Variants in RALYL observed in about 807,000 individuals in gnomAD.
RALYL encodes RALY RNA binding protein like, also known as RNA-binding Raly-like protein.
In RALYL, 29 loss-of-function variants were observed where a neutral mutation model predicts 35.1. That is an observed-to-expected ratio of 0.83 (90% CI 0.61 to 1.13). The LOEUF (loss-of-function observed/expected upper bound fraction) is 1.13, where lower values mean the gene tolerates loss of function less well. Ranked by LOEUF, RALYL falls within the 50% of genes most tolerant of loss-of-function variation. The pLI is 0.00. For synonymous variants in RALYL, 120 were observed against 127.6 expected (o/e 0.94, Z 0.40); for missense variants, 359 against 360.4 (o/e 1.00, Z 0.03).
At chr8:84,671,301 T>A (rs1423981865) in intron 2 of RALYL, among the ~76,000 whole-genome samples, 6 of 152,210 alleles carry the variant, frequency 3.9e-5, no homozygotes, top group Non-Finnish European at 2.9e-5. Context: ...ATTGAGTGTC[T>A]GTGTCTTTTC....
chr8:84,517,878 T>A (rs539399372), intron 1 of RALYL, among the ~76,000 whole-genome samples: 39 of 152,276 alleles, frequency 2.6e-4, no homozygotes, highest in African/African-American at 8.7e-4. Context: ...ATCATATTCA[T>A]AGTTTCTATC....
At chr8:84,705,122 G>A (rs934854751) in intron 2 of RALYL, among the ~76,000 whole-genome samples, 2 of 152,136 alleles carry the variant, frequency 1.3e-5, no homozygotes, top group Non-Finnish European at 2.9e-5. Flanking sequence ...TTTGGGAGAG[G>A]CAGTGTTCCT....
At chr8:84,453,901 G>A (rs1272817402) in intron 1 of RALYL, among the ~76,000 whole-genome samples, 2 of 151,864 alleles carry the variant, frequency 1.3e-5, no homozygotes, top group Non-Finnish European at 2.9e-5. Context: ...GCAAAATTGG[G>A]TACTATTATT....
intron 1 of RALYL, among the ~76,000 whole-genome samples, chr8:84,507,891 T>C (rs1215256088): frequency 6.6e-6 from 1 of 152,176 alleles, no homozygotes; most frequent in African/African-American, 2.4e-5. Context: ...CCTAAATACA[T>C]TGCTAATCCT....
chr8:84,471,426 TAA>T (rs60961835), intron 1 of RALYL, among the ~76,000 whole-genome samples: 8 of 124,576 alleles, frequency 6.4e-5, no homozygotes, highest in Admixed American at 8.1e-5. Context: ...GTACACAAAT[TAA>T]AAAAAAAAAA....
chr8:84,311,627 A>G (rs1299022831), intron 1 of RALYL, among the ~76,000 whole-genome samples: 1 of 152,178 alleles, frequency 6.6e-6, no homozygotes, highest in Non-Finnish European at 1.5e-5. Context: ...TCTGGAATTC[A>G]TAGGATCCCA....
intron 1 of RALYL, among the ~76,000 whole-genome samples, chr8:84,361,487 G>A (rs1193703398): frequency 1.3e-5 from 2 of 152,126 alleles, no homozygotes; most frequent in Non-Finnish European, 2.9e-5. Context: ...TGTGGAGGAT[G>A]GGGTGGCTAC....
At chr8:84,860,139 A>G (rs1563760306) in intron 5 of RALYL, among the ~76,000 whole-genome samples, 2 of 152,218 alleles carry the variant, frequency 1.3e-5, no homozygotes, top group Admixed American at 6.5e-5. Flanking sequence ...TTCCTATAAA[A>G]GTAGTATTAA....
At chr8:84,306,958 G>T (rs1266335144) in intron 1 of RALYL, among the ~76,000 whole-genome samples, 1 of 152,070 alleles carries the variant, frequency 6.6e-6, no homozygotes, top group Non-Finnish European at 1.5e-5. Context: ...ACCAGCAAAA[G>T]CTCTCAAATT....
At chr8:84,399,160 T>C (rs1228387705) in intron 1 of RALYL, among the ~76,000 whole-genome samples, 1 of 152,150 alleles carries the variant, frequency 6.6e-6, no homozygotes, top group Admixed American at 6.5e-5. Flanking sequence ...TCTAACACAA[T>C]ATCACAAGCA....
At chr8:84,698,437 A>T (rs1033515044) in intron 2 of RALYL, among the ~76,000 whole-genome samples, 1 of 152,144 alleles carries the variant, frequency 6.6e-6, no homozygotes, top group Non-Finnish European at 1.5e-5. Context: ...TGATAATAAC[A>T]TATATTCTTT....
At chr8:84,743,856 A>T (rs1332326988) in intron 2 of RALYL, among the ~76,000 whole-genome samples, 1 of 152,096 alleles carries the variant, frequency 6.6e-6, no homozygotes, top group African/African-American at 2.4e-5. Context: ...TACACATTTT[A>T]TGATTTCACT....
At chr8:84,272,187 G>A (rs1167154002) in intron 1 of RALYL, among the ~76,000 whole-genome samples, 2 of 152,060 alleles carry the variant, frequency 1.3e-5, no homozygotes, top group Middle Eastern at 3.2e-3. Flanking sequence ...CCACCTCCCA[G>A]GTTCAAGCGA....
At chr8:84,801,302 ATAATCT>A (rs1445068676) in intron 3 of RALYL, among the ~76,000 whole-genome samples, 3 of 152,164 alleles carry the variant, frequency 2.0e-5, no homozygotes, top group Non-Finnish European at 4.4e-5. Context: ...CCAATGACCA[ATAATCT>A]TTTTTTCTTT....
intron 1 of RALYL, among the ~76,000 whole-genome samples, chr8:84,281,401 A>AT (rs1026649486): frequency 1.3e-5 from 2 of 151,950 alleles, no homozygotes; most frequent in Admixed American, 1.3e-4. Flanking sequence ...CTTTGTTCGA[A>AT]TTTTTTTTCT....
At chr8:84,711,742 G>A (rs960024324) in intron 2 of RALYL, among the ~76,000 whole-genome samples, 4 of 152,074 alleles carry the variant, frequency 2.6e-5, no homozygotes, top group Non-Finnish European at 1.5e-5. Flanking sequence ...ACTTGTCTTA[G>A]CAGTCACATA....
chr8:84,648,961 A>T (rs1828095296), intron 2 of RALYL, among the ~76,000 whole-genome samples: 1 of 152,086 alleles, frequency 6.6e-6, no homozygotes, highest in South Asian at 2.1e-4. Flanking sequence ...TTTATCTATC[A>T]TCCCTTTAAG....
At chr8:84,200,200 T>C (rs1188092056) in intron 1 of RALYL, among the ~76,000 whole-genome samples, 1 of 152,154 alleles carries the variant, frequency 6.6e-6, no homozygotes, top group Non-Finnish European at 1.5e-5. Flanking sequence ...ACTGTTACCA[T>C]TTACAAATAC....
At chr8:84,669,495 C>T (rs866999834) in intron 2 of RALYL, among the ~76,000 whole-genome samples, 5 of 77,260 alleles carry the variant, frequency 6.5e-5, no homozygotes, top group Non-Finnish European at 7.7e-5. Flanking sequence ...CCTCCCCCCC[C>T]CCCCACTCTA....
Sources: allele counts gnomAD v4.1 joint callset (sites outside exome capture counted in the v4.1 genomes callset), GRCh38; gene constraint gnomAD v4.1.1; transcripts MANE v1.5; gene names NCBI Gene and HGNC (gene_info 2026-07-23, HGNC 2026-07-21).